Variants in CACNA1A observed in about 807,000 individuals in gnomAD.
CACNA1A encodes calcium voltage-gated channel subunit alpha1 A, also known as voltage-dependent P/Q-type calcium channel subunit alpha-1A.
In CACNA1A, 57 loss-of-function variants were observed where a neutral mutation model predicts 262.4. The observed-to-expected ratio is 0.22, with a 90% CI of 0.18 to 0.27. The LOEUF is 0.27. Among genes scored for constraint, CACNA1A ranks in the 10% least tolerant of loss-of-function variants. CACNA1A has a pLI of 1.00. For missense variants in CACNA1A, 2,526 were observed against 3,562.8 expected, an observed-to-expected ratio of 0.71 and a Z score of 7.41; for synonymous variants, 1,431 against 1,419.3, an observed-to-expected ratio of 1.01 and a Z score of -0.18.
intron 10 of CACNA1A, among the ~76,000 whole-genome samples, chr19:13,325,813 G>C (rs1272258019): frequency 6.6e-6 from 1 of 152,144 alleles, no homozygotes; most frequent in African/African-American, 2.4e-5. Context: ...TGCATAACAT[G>C]ATATTTTGAC....
rs996049004 is a variant in CACNA1A at position 13,262,908 on chromosome 19, G to C, written c.3990-75C>G. On this transcript the variant is annotated intron_variant, in intron 24 of 46. Coordinates refer to ENST00000360228, the MANE Select transcript of CACNA1A (RefSeq NM_001127222.2). The stretch of plus-strand genomic sequence containing the variant: ...CAGGTTGGGTAGGGGGCAGCCCACA[G>C]CTCCATGGGACCCTACCCTCCCAGG... 7.4e-6 allele frequency: 7 copies of C among 945,808 alleles called. No individual in the cohort carries two copies. The African/African-American group carries it at 1.1e-4, about 15-fold the overall frequency. The allele number at this position is 945,808 out of a possible 1,614,324, so 58.6% of individuals were successfully genotyped here. A position where few individuals can be genotyped will look rare whatever the true frequency, so the allele number is the denominator to read the frequency against.
intron 1 of CACNA1A, among the ~76,000 whole-genome samples, chr19:13,478,315 ATTG>A (rs1372011843): frequency 5.9e-5 from 9 of 152,154 alleles, no homozygotes; most frequent in Admixed American, 2.6e-4. Flanking sequence ...AGGTTTTATT[ATTG>A]TTGTTGTTGC....
intron 17 of CACNA1A, among the ~76,000 whole-genome samples, chr19:13,302,596 A>G (rs1308664641): frequency 6.6e-6 from 1 of 152,236 alleles, no homozygotes. Context: ...CCAGGAGATA[A>G]ACGAACTGGC....
intron 3 of CACNA1A, chr19:13,451,553 A>G (rs954001551): frequency 1.3e-5 from 2 of 152,036 alleles, no homozygotes; most frequent in African/African-American, 4.8e-5. Context: ...CTCCAAATCC[A>G]TTTCCCTTTT....
intron 1 of CACNA1A, among the ~76,000 whole-genome samples, chr19:13,461,245 C>A (rs2061116677): frequency 6.6e-6 from 1 of 152,156 alleles, no homozygotes; most frequent in Non-Finnish European, 1.5e-5. Flanking sequence ...GAGGCTGAGG[C>A]AGGAGAATCA....
intron 3 of CACNA1A, among the ~76,000 whole-genome samples, chr19:13,446,073 G>A (rs2060805812): frequency 6.6e-6 from 1 of 151,920 alleles, no homozygotes; most frequent in Non-Finnish European, 1.5e-5. Flanking sequence ...TCCGGAGTTC[G>A]AGACCAGTCT....
At chr19:13,357,934 G>T (rs55670944) in intron 6 of CACNA1A, among the ~76,000 whole-genome samples, 20,863 of 152,034 alleles carry the variant, frequency 0.14, 1,727 homozygotes, top group East Asian at 0.4. Context: ...CTGAGCCCAG[G>T]AGTTTAAGGC....
chr19:13,265,739 G>A (rs2056846915), intron 24 of CACNA1A, among the ~76,000 whole-genome samples: 1 of 152,022 alleles, frequency 6.6e-6, no homozygotes, highest in African/African-American at 2.4e-5. Flanking sequence ...GAAGCCTCAG[G>A]TAGATGCTAA....
intron 3 of CACNA1A, among the ~76,000 whole-genome samples, chr19:13,385,802 G>A (rs553569888): frequency 2.6e-5 from 4 of 152,186 alleles, no homozygotes; most frequent in African/African-American, 9.7e-5. Context: ...AAGCAAAAAT[G>A]TAGAAAAGTG....
intron 5 of CACNA1A, among the ~76,000 whole-genome samples, chr19:13,361,724 C>T (rs551389659): frequency 2.0e-5 from 3 of 152,178 alleles, no homozygotes; most frequent in African/African-American, 7.2e-5. Flanking sequence ...TTGTTGGAAA[C>T]GCCTTCCTCA....
intron 3 of CACNA1A, among the ~76,000 whole-genome samples, chr19:13,441,595 C>T (rs1184928238): frequency 2.1e-5 from 3 of 145,118 alleles, no homozygotes; most frequent in Non-Finnish European, 3.0e-5. Flanking sequence ...ACCTGGGAGG[C>T]GGAGGCTGCA....
chr19:13,291,388 G>A (rs915430296), intron 19 of CACNA1A, among the ~76,000 whole-genome samples: 2 of 151,886 alleles, frequency 1.3e-5, no homozygotes, highest in Non-Finnish European at 1.5e-5. Context: ...CACCATCCGA[G>A]ATGGGTATAG....
At chr19:13,416,859 G>T (rs145662878) in intron 3 of CACNA1A, among the ~76,000 whole-genome samples, 208 of 152,028 alleles carry the variant, frequency 1.4e-3, no homozygotes, top group African/African-American at 4.9e-3. Flanking sequence ...CCAAAAATTA[G>T]CTGGGTATGG....
chr19:13,370,096 T>C (rs2059292668), intron 4 of CACNA1A, among the ~76,000 whole-genome samples: 1 of 150,544 alleles, frequency 6.6e-6, no homozygotes, highest in Non-Finnish European at 1.5e-5. Context: ...TAAGTGCTTT[T>C]TAATTTTTTT....
chr19:13,261,285 A>C, intron 26 of CACNA1A, 165 bp downstream of exon 26: 1 of 600,074 alleles, frequency 1.7e-6, no homozygotes, highest in Non-Finnish European at 2.9e-6. Flanking sequence ...TCAAATTCTA[A>C]AACCGGTTTT....
At chr19:13,380,687 A>T (rs1304971546) in intron 3 of CACNA1A, among the ~76,000 whole-genome samples, 1 of 149,802 alleles carries the variant, frequency 6.7e-6, no homozygotes, top group Non-Finnish European at 1.5e-5. Context: ...ATTTGCTAGT[A>T]GCCACATTAA....
intron 3 of CACNA1A, among the ~76,000 whole-genome samples, chr19:13,443,667 G>C (rs547828939): frequency 2.6e-5 from 4 of 152,250 alleles, no homozygotes; most frequent in African/African-American, 7.2e-5. Context: ...ATATCATATT[G>C]TAAGCACCTC....
intron 1 of CACNA1A, among the ~76,000 whole-genome samples, chr19:13,482,323 A>G (rs1472336123): frequency 6.6e-6 from 1 of 152,012 alleles, no homozygotes; most frequent in African/African-American, 2.4e-5. Flanking sequence ...CTCTACTAAA[A>G]TACAAAAAAA....
intron 33 of CACNA1A, 66 bp downstream of exon 33, chr19:13,235,143 C>A: frequency 6.4e-7 from 1 of 1,573,076 alleles, no homozygotes; most frequent in South Asian, 1.1e-5. Context: ...TCCTCTGACC[C>A]ACCCCTTTCT....
Sources: allele counts gnomAD v4.1 joint callset (sites outside exome capture counted in the v4.1 genomes callset), GRCh38; gene constraint gnomAD v4.1.1; transcripts MANE v1.5; gene names NCBI Gene and HGNC (gene_info 2026-07-23, HGNC 2026-07-21).